MXRA7: variants seen among roughly 807,000 people sequenced by gnomAD.
The protein encoded by MXRA7 is matrix-remodeling-associated protein 7.
A neutral mutation model predicts 17.4 loss-of-function variants in MXRA7; 18 were observed. The observed-to-expected ratio is 1.03, with a 90% CI of 0.71 to 1.53. The LOEUF is 1.53. MXRA7 is among the 40% of genes most tolerant of loss of function. The probability of loss-of-function intolerance (pLI) is 0.00; values close to 1 mark genes in which losing one functional copy is unlikely to be tolerated. For missense variants in MXRA7, 141 were observed against 209.3 expected (o/e 0.67, Z 2.01); for synonymous variants, 70 against 101.7 (o/e 0.69, Z 1.87).
intron 3 of MXRA7, chr17:76,684,764 T>G: frequency 2.4e-6 from 1 of 419,292 alleles, no homozygotes; most frequent in South Asian, 2.3e-5. Context: ...GCATCTCATT[T>G]CTTTAGATGG....
downstream of MXRA7, chr17:76,675,770 A>T (rs2076235827): frequency 1.3e-5 from 1 of 77,830 alleles, no homozygotes; most frequent in African/African-American, 4.0e-5. Flanking sequence ...AGACACAGAG[A>T]GTGAATGGTC....
At chr17:76,705,796 C>T (rs998002074) in intron 1 of MXRA7, among the ~76,000 whole-genome samples, 2 of 152,196 alleles carry the variant, frequency 1.3e-5, no homozygotes, top group African/African-American at 4.8e-5. Context: ...TCCCAGCCTC[C>T]AAAAGTGTAG....
At chr17:76,690,858 C>T (rs1433058219) in intron 1 of MXRA7, among the ~76,000 whole-genome samples, 4 of 152,066 alleles carry the variant, frequency 2.6e-5, no homozygotes, top group African/African-American at 9.7e-5. Flanking sequence ...CAGGTGCATG[C>T]CACCATGCCC....
At chr17:76,700,045 C>T (rs2143661909) in intron 1 of MXRA7, among the ~76,000 whole-genome samples, 3 of 152,266 alleles carry the variant, frequency 2.0e-5, no homozygotes, top group Middle Eastern at 6.8e-3. Context: ...CTGCAACCTC[C>T]ACCTCCTGGG....
chr17:76,679,214 C>T (rs941160298), downstream of MXRA7, among the ~76,000 whole-genome samples: 2 of 150,524 alleles, frequency 1.3e-5, no homozygotes, highest in Middle Eastern at 3.4e-3. Flanking sequence ...CTTAAGCCCA[C>T]GAGGTCCAGG....
At chr17:76,710,204 T>C (rs2076703933) in intron 1 of MXRA7, among the ~76,000 whole-genome samples, 1 of 152,004 alleles carries the variant, frequency 6.6e-6, no homozygotes. Context: ...ATGGCAGGCC[T>C]GGAAATAAGC....
intron 2 of MXRA7, among the ~76,000 whole-genome samples, chr17:76,686,434 C>T (rs1029765060): frequency 5.9e-5 from 9 of 152,106 alleles, no homozygotes; most frequent in African/African-American, 2.2e-4. Flanking sequence ...GAGCCGAGAT[C>T]GCGCCACTGT....
At chr17:76,672,691 CTG>C (rs34445440) in exon 4 of MXRA7, 27,514 of 151,982 alleles carry the variant, frequency 0.18, 3,265 homozygotes, top group East Asian at 0.55. Flanking sequence ...CCAGCTGACT[CTG>C]TGGCGTTAAG....
chr17:76,683,237 G>A (rs1376580944), intron 3 of MXRA7, among the ~76,000 whole-genome samples: 1 of 152,224 alleles, frequency 6.6e-6, no homozygotes, highest in Non-Finnish European at 1.5e-5. Flanking sequence ...TTGGGGGGCT[G>A]TGTGGTCTCT....
At chr17:76,684,506 A>G (rs912711301) in intron 3 of MXRA7, among the ~76,000 whole-genome samples, 8 of 151,908 alleles carry the variant, frequency 5.3e-5, no homozygotes, top group African/African-American at 1.9e-4. Flanking sequence ...TGTGGAGGGA[A>G]AAGGTGGCGG....
At chr17:76,690,909 G>A (rs1023965151) in intron 1 of MXRA7, among the ~76,000 whole-genome samples, 3 of 152,076 alleles carry the variant, frequency 2.0e-5, no homozygotes, top group African/African-American at 7.2e-5. Context: ...AATTTCCTAA[G>A]TTACAGGGGT....
chr17:76,700,239 T>C (rs1433003846), intron 1 of MXRA7, among the ~76,000 whole-genome samples: 1 of 152,180 alleles, frequency 6.6e-6, no homozygotes, highest in African/African-American at 2.4e-5. Flanking sequence ...CCCAAAGTGC[T>C]GGGATTACAG....
At chr17:76,691,156 G>A (rs747739556) in intron 1 of MXRA7, among the ~76,000 whole-genome samples, 1 of 152,176 alleles carries the variant, frequency 6.6e-6, no homozygotes, top group African/African-American at 2.4e-5. Context: ...GTTAAGAATC[G>A]ATGACGCCTA....
chr17:76,708,501 A>G (rs963093414), intron 1 of MXRA7, among the ~76,000 whole-genome samples: 3 of 152,320 alleles, frequency 2.0e-5, no homozygotes, highest in Non-Finnish European at 2.9e-5. Context: ...CTTTCTCCCT[A>G]TCTGTCCTCC....
intron 1 of MXRA7, among the ~76,000 whole-genome samples, chr17:76,706,497 C>T (rs2076663636): frequency 6.6e-6 from 1 of 150,382 alleles, no homozygotes; most frequent in Non-Finnish European, 1.5e-5. Context: ...CAAAAAGGAC[C>T]ACACTGCCAT....
intron 1 of MXRA7, among the ~76,000 whole-genome samples, chr17:76,697,502 G>A (rs750822908): frequency 2.6e-5 from 4 of 152,232 alleles, no homozygotes; most frequent in Admixed American, 1.3e-4. Context: ...GGCAGCTGGC[G>A]TCACCCTGGC....
At chr17:76,706,043 T>C (rs116032600) in intron 1 of MXRA7, among the ~76,000 whole-genome samples, 4,128 of 90,506 alleles carry the variant, frequency 0.046, 119 homozygotes, top group East Asian at 0.22. Flanking sequence ...CCCACTCTGC[T>C]ATCACAAAGG....
exon 4 of MXRA7, chr17:76,673,238 C>T (rs2076215598): frequency 6.6e-6 from 1 of 152,230 alleles, no homozygotes; most frequent in East Asian, 1.9e-4. Flanking sequence ...ACAACCTCCC[C>T]CTCAAGGCTG....
At chr17:76,685,049 C>A in intron 3 of MXRA7, 23 bp downstream of exon 3, 1 of 1,603,020 alleles carries the variant, frequency 6.2e-7, no homozygotes, top group South Asian at 1.1e-5. Flanking sequence ...CCGCCAGGCG[C>A]CAGCGAAGGG....
Sources: allele counts gnomAD v4.1 joint callset (sites outside exome capture counted in the v4.1 genomes callset), GRCh38; gene constraint gnomAD v4.1.1; transcripts MANE v1.5; gene names NCBI Gene and HGNC (gene_info 2026-07-23, HGNC 2026-07-21).